AGBL4: variants seen among roughly 807,000 people sequenced by gnomAD.
The protein encoded by AGBL4 is AGBL carboxypeptidase 4.
A neutral mutation model predicts 66.4 loss-of-function variants in AGBL4; 58 were observed. The observed-to-expected ratio is 0.87, with a 90% CI of 0.71 to 1.09. The LOEUF is 1.09. Among genes scored for constraint, AGBL4 ranks in the 50% least tolerant of loss-of-function variants. The pLI is 0.00. For missense variants in AGBL4, 579 were observed against 631.0 expected, an observed-to-expected ratio of 0.92 and a Z score of 0.88; for synonymous variants, 234 against 222.9, an observed-to-expected ratio of 1.05 and a Z score of -0.44.
At chr1:49,445,562 T>C (rs79293372) in intron 3 of AGBL4, among the ~76,000 whole-genome samples, 1 of 152,082 alleles carries the variant, frequency 6.6e-6, no homozygotes, top group Non-Finnish European at 1.5e-5. Context: ...TTCTTTTTTC[T>C]TTTTACTTTT....
chr1:49,989,423 G>A (rs1198138045), intron 1 of AGBL4, among the ~76,000 whole-genome samples: 2 of 152,192 alleles, frequency 1.3e-5, no homozygotes, highest in Non-Finnish European at 2.9e-5. Context: ...ATGGTACATA[G>A]ATAAGTAGCT....
intron 5 of AGBL4, among the ~76,000 whole-genome samples, chr1:48,993,243 A>G (rs1404291629): frequency 6.6e-6 from 1 of 152,180 alleles, no homozygotes; most frequent in Non-Finnish European, 1.5e-5. Context: ...AAAGTAGCAG[A>G]TTCCCTTCTG....
intron 3 of AGBL4, among the ~76,000 whole-genome samples, chr1:49,385,622 AAGG>A (rs1644720179): frequency 6.6e-6 from 1 of 152,082 alleles, no homozygotes; most frequent in African/African-American, 2.4e-5. Flanking sequence ...TCAACATTTG[AAGG>A]AGTCTTTAAT....
chr1:49,530,283 C>T (rs1373323110), intron 3 of AGBL4, among the ~76,000 whole-genome samples: 1 of 33,898 alleles, frequency 3.0e-5, no homozygotes, highest in Non-Finnish European at 7.3e-5. Context: ...CAAAAAAAAA[C>T]TCTATGAGTT....
intron 3 of AGBL4, among the ~76,000 whole-genome samples, chr1:49,548,487 TG>T (rs1652687334): frequency 6.6e-6 from 1 of 152,188 alleles, no homozygotes; most frequent in Admixed American, 6.5e-5. Context: ...AATCATAAAG[TG>T]ATGCTGGATT....
Position 49,455,599 on chromosome 1 carries a change from C to T in AGBL4, c.283-209735G>A, listed in dbSNP as rs533862948. Among the ~76,000 whole-genome samples, 18 of 151,730 alleles carry T rather than the reference C, an allele frequency of 1.2e-4. No homozygotes were observed. In the South Asian group the frequency reaches 1.7e-3, roughly 14 times the overall value. The stretch of plus-strand genomic sequence containing the variant: ...TTCTTTCATAGAATGCTGAAACAGT[C>T]CCCAAATTGACCTCTCTATGCTACT... On this transcript the variant is annotated intron_variant, in intron 3 of 13. Coordinates refer to ENST00000371839, the MANE Select transcript of AGBL4 (RefSeq NM_032785.4).
intron 11 of AGBL4, among the ~76,000 whole-genome samples, chr1:48,545,359 C>A (rs551692441): frequency 6.6e-6 from 1 of 152,272 alleles, no homozygotes; most frequent in South Asian, 2.1e-4. Context: ...TATTCCCTAA[C>A]CTTGAAAGCC....
At chr1:49,877,420 G>A (rs373664032) in intron 1 of AGBL4, among the ~76,000 whole-genome samples, 1 of 151,980 alleles carries the variant, frequency 6.6e-6, no homozygotes, top group South Asian at 2.1e-4. Flanking sequence ...AGATAATCAT[G>A]TGGTTTTTGT....
intron 4 of AGBL4, among the ~76,000 whole-genome samples, chr1:49,112,579 C>T (rs1471251284): frequency 6.6e-6 from 1 of 152,232 alleles, no homozygotes; most frequent in African/African-American, 2.4e-5. Flanking sequence ...GGACTCAATC[C>T]TCTCAAACCC....
In AGBL4 at chr1:49,034,919, G is replaced by A. The variant is rs773518114; in HGVS notation, c.594+10665C>T. Among the ~76,000 whole-genome samples, 19 of 152,148 alleles carry A rather than the reference G, an allele frequency of 1.2e-4. No individual in the cohort carries two copies. In the South Asian group the frequency reaches 1.5e-3, roughly 12 times the overall value. ...TACAAGTATGTACGCTAAAATTTCT[G>A]AGTGAAATTACTAAGCCTGTAGATA... is the stretch of plus-strand genomic sequence containing the variant. On this transcript the variant is annotated intron_variant, in intron 5 of 13. Transcript: ENST00000371839.
intron 1 of AGBL4, among the ~76,000 whole-genome samples, chr1:49,861,254 T>C (rs1646564220): frequency 6.6e-6 from 1 of 152,088 alleles, no homozygotes; most frequent in South Asian, 2.1e-4. Flanking sequence ...GCCAGAGACA[T>C]TGGACTGGAA....
At chr1:49,753,869 A>G (rs1278697738) in intron 2 of AGBL4, among the ~76,000 whole-genome samples, 2 of 152,060 alleles carry the variant, frequency 1.3e-5, no homozygotes, top group Admixed American at 1.3e-4. Context: ...TCAGCTATTG[A>G]TACTCATGTA....
At chr1:49,765,355 G>T (rs1002555701) in intron 2 of AGBL4, among the ~76,000 whole-genome samples, 6 of 151,944 alleles carry the variant, frequency 3.9e-5, no homozygotes, top group Non-Finnish European at 7.4e-5. Context: ...TACAAGCAAA[G>T]CCAAAAGACC....
intron 1 of AGBL4, among the ~76,000 whole-genome samples, chr1:49,966,173 A>T (rs1288794577): frequency 6.6e-6 from 1 of 151,834 alleles, no homozygotes; most frequent in African/African-American, 2.4e-5. Context: ...CAATCTCCTG[A>T]CCTGGTGATC....
At chr1:49,142,121 C>T (rs767447635) in intron 4 of AGBL4, among the ~76,000 whole-genome samples, 1 of 152,052 alleles carries the variant, frequency 6.6e-6, no homozygotes, top group Non-Finnish European at 1.5e-5. Context: ...CTAGGTTGCA[C>T]GCTTCTTATT....
At chr1:49,243,818 G>A (rs1034319205) in intron 4 of AGBL4, among the ~76,000 whole-genome samples, 2 of 151,788 alleles carry the variant, frequency 1.3e-5, no homozygotes, top group Admixed American at 6.6e-5. Flanking sequence ...TACGTATACA[G>A]TGTGATGTGC....
At chr1:49,998,615 C>A (rs1660526556) in intron 1 of AGBL4, among the ~76,000 whole-genome samples, 1 of 152,046 alleles carries the variant, frequency 6.6e-6, no homozygotes, top group African/African-American at 2.4e-5. Flanking sequence ...AATACCAAAA[C>A]CAGGAAAGGA....
chr1:49,634,790 A>C (rs1645639506), intron 3 of AGBL4, among the ~76,000 whole-genome samples: 1 of 152,176 alleles, frequency 6.6e-6, no homozygotes, highest in African/African-American at 2.4e-5. Context: ...TCTATCTCCA[A>C]GTGGTTCTAG....
chr1:48,866,590 A>T (rs533533480), intron 6 of AGBL4, among the ~76,000 whole-genome samples: 1 of 152,336 alleles, frequency 6.6e-6, no homozygotes, highest in Admixed American at 6.5e-5. Flanking sequence ...AAACCAGAGT[A>T]AAATACCTCT....
Sources: allele counts gnomAD v4.1 joint callset (sites outside exome capture counted in the v4.1 genomes callset), GRCh38; gene constraint gnomAD v4.1.1; transcripts MANE v1.5; gene names NCBI Gene and HGNC (gene_info 2026-07-23, HGNC 2026-07-21).